LRRC37A2: variants seen among roughly 807,000 people sequenced by gnomAD.
LRRC37A2 encodes the protein leucine-rich repeat-containing protein 37A2.
In LRRC37A2, 9 loss-of-function variants were observed where a neutral mutation model predicts 68.8. The ratio of observed to expected loss-of-function variants is 0.13; its 90% CI spans 0.08 to 0.23. The LOEUF is 0.23. LRRC37A2 is among the 10% of genes least tolerant of loss of function. The pLI, the probability that LRRC37A2 is intolerant of heterozygous loss-of-function variation, is 1.00. For synonymous variants in LRRC37A2, 63 were observed against 367.6 expected, an observed-to-expected ratio of 0.17 and a Z score of 9.48; for missense variants, 168 against 950.4, an observed-to-expected ratio of 0.18 and a Z score of 10.82.
the LRRC37A2 span, chr17:46,963,810 C>A: frequency 1.3e-5 from 2 of 151,972 alleles, no homozygotes. Context: ...CTTTTTTTCT[C>A]TTTTTCTCCT....
At chr17:46,737,494 C>G in the LRRC37A2 span, among the ~76,000 whole-genome samples, 1 of 151,894 alleles carries the variant, frequency 6.6e-6, no homozygotes. Context: ...GGTGCTGGGG[C>G]TTGGGGAAGG....
At chr17:46,900,182 T>TACAC in the LRRC37A2 span, among the ~76,000 whole-genome samples, 8 of 122,262 alleles carry the variant, frequency 6.5e-5, no homozygotes, top group African/African-American at 3.4e-4. Flanking sequence ...TATATATATA[T>TACAC]ATATATATAT....
the LRRC37A2 span, chr17:46,728,742 G>T: frequency 2.0e-5 from 12 of 586,024 alleles, no homozygotes; most frequent in South Asian, 1.2e-4. Context: ...TACATATTCT[G>T]CTTATGTAGG....
the LRRC37A2 span, among the ~76,000 whole-genome samples, chr17:46,741,194 T>C: frequency 6.6e-6 from 1 of 152,170 alleles, no homozygotes; most frequent in Non-Finnish European, 1.5e-5. Flanking sequence ...TCACCCCAGG[T>C]TTCTCATCTG....
chr17:47,018,989 G>A, the LRRC37A2 span: 1 of 1,513,480 alleles, frequency 6.6e-7, no homozygotes, highest in Non-Finnish European at 9.2e-7. Flanking sequence ...ATCAAGCTCA[G>A]CATCCAGTGT....
At chr17:46,516,282 G>T (rs1384330070) in intron 2 of LRRC37A2, among the ~76,000 whole-genome samples, 1 of 113,226 alleles carries the variant, frequency 8.8e-6, no homozygotes, top group South Asian at 2.8e-4. Context: ...CAGCCTGGGC[G>T]ACAGAGCAAG....
At chr17:46,541,226 G>A (rs1490313500) in intron 8 of LRRC37A2, among the ~76,000 whole-genome samples, 2 of 149,526 alleles carry the variant, frequency 1.3e-5, no homozygotes, top group Admixed American at 1.3e-4. Flanking sequence ...ATAGCCTCTT[G>A]TGTTTGGCTC....
chr17:47,009,830 G>A, the LRRC37A2 span, among the ~76,000 whole-genome samples: 43 of 152,340 alleles, frequency 2.8e-4, no homozygotes, highest in East Asian at 1.5e-3. Context: ...AGATGCTGCC[G>A]CGCTGTTTCG....
At chr17:46,753,765 A>C in the LRRC37A2 span, among the ~76,000 whole-genome samples, 1 of 152,176 alleles carries the variant, frequency 6.6e-6, no homozygotes, top group Non-Finnish European at 1.5e-5. Flanking sequence ...CCTGATCTTC[A>C]GCGACTGACA....
the LRRC37A2 span, among the ~76,000 whole-genome samples, chr17:46,712,800 G>A: frequency 6.6e-6 from 1 of 152,164 alleles, no homozygotes; most frequent in Non-Finnish European, 1.5e-5. Context: ...AAAAGAGACT[G>A]AGCAAGAGTA....
chr17:46,966,698 C>G, the LRRC37A2 span: 6 of 497,932 alleles, frequency 1.2e-5, no homozygotes, highest in Non-Finnish European at 1.8e-5. Context: ...GTTCTATCAA[C>G]TATTAGCTGT....
chr17:46,715,420 G>A, the LRRC37A2 span, among the ~76,000 whole-genome samples: 1 of 152,192 alleles, frequency 6.6e-6, no homozygotes, highest in African/African-American at 2.4e-5. Flanking sequence ...CTTGAAATCT[G>A]TAGCTGTTGA....
the LRRC37A2 span, among the ~76,000 whole-genome samples, chr17:46,944,277 C>T: frequency 1.3e-4 from 20 of 152,356 alleles, no homozygotes; most frequent in East Asian, 1.9e-3. Context: ...TTACAGCGGC[C>T]GGAGGCTGTG....
chr17:46,981,002 G>A, the LRRC37A2 span, among the ~76,000 whole-genome samples: 2 of 152,166 alleles, frequency 1.3e-5, no homozygotes, highest in Non-Finnish European at 2.9e-5. Context: ...CCTGAGTAGC[G>A]AAGGGGGGTG....
the LRRC37A2 span, chr17:46,923,101 C>T: frequency 2.2e-6 from 2 of 890,634 alleles, no homozygotes; most frequent in East Asian, 2.6e-5. Flanking sequence ...GAGGGAGGGT[C>T]CTGCGACCGG....
At chr17:46,892,608 G>A in the LRRC37A2 span, among the ~76,000 whole-genome samples, 3 of 152,166 alleles carry the variant, frequency 2.0e-5, no homozygotes, top group Non-Finnish European at 4.4e-5. Context: ...CCCCACACTG[G>A]ACTGTGAGCT....
the LRRC37A2 span, among the ~76,000 whole-genome samples, chr17:46,993,342 G>T: frequency 1.3e-5 from 2 of 152,226 alleles, no homozygotes; most frequent in Non-Finnish European, 2.9e-5. Flanking sequence ...GTCAGGCACT[G>T]CAGCCTCCAA....
At chr17:46,768,046 C>A in the LRRC37A2 span, among the ~76,000 whole-genome samples, 1 of 152,210 alleles carries the variant, frequency 6.6e-6, no homozygotes, top group Non-Finnish European at 1.5e-5. The surrounding 1 kb of genome is among the most constrained non-coding windows in gnomAD (Gnocchi z 5.0). Context: ...CCTCGGCCTC[C>A]CAAAGTGCTG....
the LRRC37A2 span, chr17:46,978,980 C>G: frequency 6.9e-7 from 1 of 1,445,290 alleles, no homozygotes; most frequent in Non-Finnish European, 9.0e-7. Context: ...TCCTCCAAGC[C>G]GCTGTGGTTC....
Sources: allele counts gnomAD v4.1 joint callset (sites outside exome capture counted in the v4.1 genomes callset), GRCh38; gene constraint gnomAD v4.1.1; non-coding constraint Gnocchi (gnomAD v3.1); transcripts MANE v1.5; gene names NCBI Gene and HGNC (gene_info 2026-07-23, HGNC 2026-07-21).